ARSG: variants seen among roughly 807,000 people sequenced by gnomAD.
The protein encoded by ARSG is ASG.
A neutral mutation model predicts 50.5 loss-of-function variants in ARSG; 37 were observed. The observed-to-expected ratio is 0.73, with a 90% confidence interval of 0.56 to 0.96. ARSG has a LOEUF of 0.96. ARSG is among the 50% of genes least tolerant of loss of function. The probability of loss-of-function intolerance (pLI) is 0.00; values close to 1 mark genes in which losing one functional copy is unlikely to be tolerated. For synonymous variants in ARSG, 225 were observed against 254.6 expected (o/e 0.88, Z 1.11); for missense variants, 629 against 675.3 (o/e 0.93, Z 0.76).
chr17:68,436,455 T>C, the ARSG span: 1 of 1,613,804 alleles, frequency 6.2e-7, no homozygotes, highest in Non-Finnish European at 8.5e-7. Flanking sequence ...AGAATTGGAA[T>C]GGTTGATAGA....
rs760999391 is a variant in ARSG at position 68,385,127 on chromosome 17, G to T, written c.1046G>T (p.Trp349Leu). 46 of 1,613,964 alleles carry T rather than the reference G, an allele frequency of 2.9e-5. No homozygotes were observed. Among genetic ancestry groups the T allele is most frequent in the Non-Finnish European group, 3.5e-5 (41 of 1,179,996 alleles). ...GGHRVPALAY[W>L]PGRVPVNVTS... is the part of the protein sequence containing the mutation. ...CACCGGGTCCCAGCACTGGCTTACT[G>T]GCCTGGCAGAGTTCCAGTTAATGTC... The change falls in exon 9 of 12, where the codon TGG becomes TTG. Residue 349 changes from tryptophan (W) to leucine (L), a missense_variant. Physicochemically the swap from Trp to Leu is moderately conservative, Grantham distance 61 (BLOSUM62 -2). Coordinates refer to ENST00000621439, the MANE Select transcript of ARSG (RefSeq NM_001267727.2).
intron 1 of ARSG, among the ~76,000 whole-genome samples, chr17:68,261,114 C>T (rs1290459990): frequency 1.3e-5 from 2 of 152,180 alleles, no homozygotes. Context: ...TATGGTTATC[C>T]AGCTGTTTCG....
At chr17:68,451,040 T>C in the ARSG span, 2 of 1,192,700 alleles carry the variant, frequency 1.7e-6, no homozygotes, top group Non-Finnish European at 2.3e-6. Flanking sequence ...TGAGCTTGCA[T>C]TGACAGTGAT....
intron 1 of ARSG, among the ~76,000 whole-genome samples, chr17:68,296,213 T>G (rs2076202072): frequency 6.6e-6 from 1 of 152,186 alleles, no homozygotes; most frequent in Non-Finnish European, 1.5e-5. Context: ...GGGCTGTGTG[T>G]GGGACCAGTG....
chr17:68,385,951 A>T (rs1173210518), intron 9 of ARSG, among the ~76,000 whole-genome samples: 1 of 152,172 alleles, frequency 6.6e-6, no homozygotes, highest in Admixed American at 6.5e-5. Context: ...GGAAATAATG[A>T]ATCCTTAGGT....
upstream of ARSG, among the ~76,000 whole-genome samples, chr17:68,289,557 C>T (rs562199254): frequency 5.3e-5 from 8 of 152,286 alleles, no homozygotes; most frequent in East Asian, 1.5e-3. Flanking sequence ...AAAGGCGTAG[C>T]CCGGAGAACA....
At chr17:68,429,660 C>T in the ARSG span, among the ~76,000 whole-genome samples, 1 of 152,096 alleles carries the variant, frequency 6.6e-6, no homozygotes, top group Non-Finnish European at 1.5e-5. Flanking sequence ...ATGATCTCGG[C>T]TCACTGCAAC....
chr17:68,384,067 C>G (rs2146991862), intron 8 of ARSG, among the ~76,000 whole-genome samples: 1 of 152,312 alleles, frequency 6.6e-6, no homozygotes, highest in African/African-American at 2.4e-5. Flanking sequence ...TCTTCTTCCT[C>G]CCCACGCTTC....
At chr17:68,421,763 G>A (rs756739192), downstream of ARSG, 1 of 1,614,080 alleles carries the variant, frequency 6.2e-7, no homozygotes, top group Admixed American at 1.7e-5. Flanking sequence ...TTTCTGAGGT[G>A]TGCTTCTCAT....
chr17:68,396,015 G>T (rs200110729), intron 10 of ARSG, among the ~76,000 whole-genome samples: 11,061 of 144,558 alleles, frequency 0.077, 930 homozygotes, highest in African/African-American at 0.21. Flanking sequence ...TTTTTTTTTT[G>T]TTTTTTTTTT....
intron 3 of ARSG, chr17:68,346,851 G>A: frequency 7.2e-7 from 1 of 1,397,978 alleles, no homozygotes; most frequent in South Asian, 1.2e-5. Flanking sequence ...GAGGGGCAGA[G>A]GCTCAGGCTT....
chr17:68,432,362 A>C, the ARSG span, among the ~76,000 whole-genome samples: 1 of 152,202 alleles, frequency 6.6e-6, no homozygotes, highest in Non-Finnish European at 1.5e-5. Flanking sequence ...TGGCAGAAAA[A>C]GATGGCAGAA....
chr17:68,346,743 C>A, intron 3 of ARSG: 1 of 1,282,410 alleles, frequency 7.8e-7, no homozygotes, highest in Non-Finnish European at 1.0e-6. Context: ...GGCGGTGCAC[C>A]TGCACCCTGG....
chr17:68,331,217 CTTT>C (rs2077739151), intron 2 of ARSG, among the ~76,000 whole-genome samples: 13 of 40,474 alleles, frequency 3.2e-4, no homozygotes, highest in Admixed American at 2.4e-3. Context: ...TTCTTTCTTT[CTTT>C]CTTTCTTTCT....
At chr17:68,400,579 G>A (rs2081428068) in intron 10 of ARSG, 1 of 152,088 alleles carries the variant, frequency 6.6e-6, no homozygotes, top group Non-Finnish European at 1.5e-5. Context: ...AAGTCCCCAG[G>A]GCCCATCCTG....
At chr17:68,332,997 T>A (rs1231505310) in intron 2 of ARSG, among the ~76,000 whole-genome samples, 2 of 152,214 alleles carry the variant, frequency 1.3e-5, no homozygotes, top group East Asian at 3.9e-4. Context: ...TAGTAAGTGT[T>A]GCATAAATGT....
chr17:68,431,495 G>A, the ARSG span, among the ~76,000 whole-genome samples: 3 of 152,132 alleles, frequency 2.0e-5, no homozygotes, highest in East Asian at 5.8e-4. Flanking sequence ...GGGACGGGAG[G>A]AGCTGGGACT....
chr17:68,332,676 T>C (rs2077829261), intron 2 of ARSG, among the ~76,000 whole-genome samples: 1 of 152,184 alleles, frequency 6.6e-6, no homozygotes, highest in South Asian at 2.1e-4. Flanking sequence ...ACATAAGAAA[T>C]TATAAAAGTA....
chr17:68,373,811 T>C lies in ARSG; in HGVS notation c.982+3287T>C, dbSNP rs188419593. Among the ~76,000 whole-genome samples, 56 of 151,684 alleles carry C rather than the reference T, an allele frequency of 3.7e-4. 1 individual carries two copies. The highest frequency in any genetic ancestry group is 1.1e-3 in the African/African-American group (45 of 41,356). ...TGATTTAGTTGTGATTTCTGGAGAG[T>C]TGGGTCAAAAGAAGATGCTAAGGAG... is the stretch of plus-strand genomic sequence containing the variant. On this transcript the variant is annotated intron_variant, in intron 8 of 11. Transcript: ENST00000621439.
Sources: allele counts gnomAD v4.1 joint callset (sites outside exome capture counted in the v4.1 genomes callset), GRCh38; gene constraint gnomAD v4.1.1; transcripts MANE v1.5; gene names NCBI Gene and HGNC (gene_info 2026-07-23, HGNC 2026-07-21).